The following UBE2D2 variants were observed in gnomAD, a reference collection of about 807,000 sequenced individuals.
UBE2D2 encodes the protein ubiquitin-conjugating enzyme E2 D2.
Under a neutral mutation model 24.2 loss-of-function variants are expected in UBE2D2, and 2 were observed. That is an observed-to-expected ratio of 0.08 (90% CI 0.03 to 0.26). The LOEUF (loss-of-function observed/expected upper bound fraction) is 0.26. Ranked by LOEUF, UBE2D2 falls within the 10% of genes least tolerant of loss-of-function variation. UBE2D2 has a pLI of 1.00. For synonymous variants in UBE2D2, 58 were observed against 56.5 expected, an observed-to-expected ratio of 1.03 and a Z score of -0.12; for missense variants, 44 against 177.6, an observed-to-expected ratio of 0.25 and a Z score of 4.28.
rs375430300 is a variant in UBE2D2 at position 139,576,503 on chromosome 5, G to A, written c.24+14688G>A. Among the ~76,000 whole-genome samples the A allele has an allele frequency of 5.3e-4, 80 of 151,398 alleles. No individual in the cohort carries two copies. In the Middle Eastern group the frequency reaches 0.01, roughly 19 times the overall value. ...CAAAGATGATTTTTTTTTTTGAGAC[G>A]GACTACAGACACGTGCCACCACGCC... is the stretch of plus-strand genomic sequence containing the variant. On this transcript the variant is annotated intron_variant, in intron 1 of 6. Coordinates refer to ENST00000398733, the MANE Select transcript of UBE2D2 (RefSeq NM_003339.3).
chr5:139,611,794 A>G (rs1014290508), intron 2 of UBE2D2, among the ~76,000 whole-genome samples: 3 of 152,114 alleles, frequency 2.0e-5, no homozygotes, highest in Non-Finnish European at 4.4e-5. Flanking sequence ...TACATCCTCA[A>G]TTTTATATTA....
chr5:139,587,153 G>A (rs1753746938), intron 1 of UBE2D2, among the ~76,000 whole-genome samples: 1 of 152,176 alleles, frequency 6.6e-6, no homozygotes, highest in Non-Finnish European at 1.5e-5. Context: ...GGTCACGGAA[G>A]AGAACCGTAG....
upstream of UBE2D2, among the ~76,000 whole-genome samples, chr5:139,558,228 CA>C (rs1486022906): frequency 6.6e-6 from 1 of 152,118 alleles, no homozygotes; most frequent in Non-Finnish European, 1.5e-5. Context: ...TGCTAGAATA[CA>C]AAGCCATTAA....
At chr5:139,554,230 C>T (rs1752953835) in intron 1 of UBE2D2, among the ~76,000 whole-genome samples, 1 of 151,936 alleles carries the variant, frequency 6.6e-6, no homozygotes. Context: ...AATGGGGTCT[C>T]ATTGTGTTGC....
At chr5:139,567,824 G>A (rs1405697560) in intron 1 of UBE2D2, among the ~76,000 whole-genome samples, 1 of 152,166 alleles carries the variant, frequency 6.6e-6, no homozygotes, top group African/African-American at 2.4e-5. Context: ...GTGAGCCACT[G>A]TGCCCCGCCT....
chr5:139,555,104 G>A (rs1489774484), intron 1 of UBE2D2: 2 of 150,320 alleles, frequency 1.3e-5, no homozygotes, highest in Non-Finnish European at 2.9e-5. Flanking sequence ...GGAGTGCAAT[G>A]GCACAATCTT....
At chr5:139,533,554 G>A (rs534022074) in intron 1 of UBE2D2, among the ~76,000 whole-genome samples, 5 of 151,882 alleles carry the variant, frequency 3.3e-5, no homozygotes, top group African/African-American at 1.2e-4. Context: ...GGAGGCTGAG[G>A]CAGGAGAATC....
At chr5:139,550,614 G>C (rs563986619) in intron 1 of UBE2D2, among the ~76,000 whole-genome samples, 3 of 152,112 alleles carry the variant, frequency 2.0e-5, no homozygotes, top group African/African-American at 7.2e-5. Flanking sequence ...ACTTGCTGCT[G>C]CTCATTCTTT....
intron 1 of UBE2D2, among the ~76,000 whole-genome samples, chr5:139,534,071 G>A (rs1397263817): frequency 6.6e-6 from 1 of 150,902 alleles, no homozygotes; most frequent in African/African-American, 2.4e-5. Flanking sequence ...GTGAGCCACC[G>A]CGCCTGGCAA....
At chr5:139,606,586 A>G (rs1329193068) in intron 2 of UBE2D2, among the ~76,000 whole-genome samples, 4 of 152,230 alleles carry the variant, frequency 2.6e-5, no homozygotes, top group Non-Finnish European at 1.5e-5. Flanking sequence ...TTGGTTTGAT[A>G]GTATTAAACC....
At chr5:139,550,495 G>A (rs1444510197) in intron 1 of UBE2D2, among the ~76,000 whole-genome samples, 4 of 152,128 alleles carry the variant, frequency 2.6e-5, no homozygotes, top group Admixed American at 2.6e-4. Flanking sequence ...ATGTGGGTGG[G>A]GTCAGAAAAG....
At chr5:139,582,289 G>C (rs1457110879) in intron 1 of UBE2D2, among the ~76,000 whole-genome samples, 7 of 151,168 alleles carry the variant, frequency 4.6e-5, no homozygotes, top group Non-Finnish European at 8.8e-5. Context: ...TTGAGATGGA[G>C]TTTTGCTCTG....
intron 1 of UBE2D2, among the ~76,000 whole-genome samples, chr5:139,584,503 A>G (rs1753675877): frequency 6.6e-6 from 1 of 150,864 alleles, no homozygotes; most frequent in Non-Finnish European, 1.5e-5. Flanking sequence ...CATTTACCCC[A>G]AAACACCTTT....
intron 1 of UBE2D2, among the ~76,000 whole-genome samples, chr5:139,579,900 A>T (rs2126663993): frequency 6.6e-6 from 1 of 152,104 alleles, no homozygotes; most frequent in East Asian, 1.9e-4. Flanking sequence ...ACAAAAAATT[A>T]GCCGGGCATG....
intron 1 of UBE2D2, among the ~76,000 whole-genome samples, chr5:139,546,284 C>T (rs556014970): frequency 9.2e-5 from 14 of 152,112 alleles, no homozygotes; most frequent in Non-Finnish European, 1.6e-4. Flanking sequence ...CCTCATGATC[C>T]GCCCTCCTTG....
chr5:139,612,107 C>T, intron 2 of UBE2D2: 1 of 184,196 alleles, frequency 5.4e-6, no homozygotes, highest in Non-Finnish European at 1.2e-5. Flanking sequence ...CATAAAGGCT[C>T]ATCAGATAGG....
At chr5:139,548,193 A>AAAAAAAAATAAAAAT in intron 1 of UBE2D2, among the ~76,000 whole-genome samples, 1 of 47,104 alleles carries the variant, frequency 2.1e-5, no homozygotes, top group East Asian at 6.6e-4. Flanking sequence ...ATAAAAAAAA[A>AAAAAAAAATAAAAAT]AAATAAATAA....
chr5:139,601,922 AAG>A (rs1012656289), intron 2 of UBE2D2, among the ~76,000 whole-genome samples: 2 of 152,088 alleles, frequency 1.3e-5, no homozygotes, highest in African/African-American at 4.8e-5. Context: ...AAAAAAAAAA[AAG>A]AAAAAAAAAT....
chr5:139,625,252 C>T (rs923809715), intron 6 of UBE2D2, among the ~76,000 whole-genome samples: 1 of 149,958 alleles, frequency 6.7e-6, no homozygotes. Context: ...ACTGCTAGTA[C>T]ATGCCACTAC....
Sources: allele counts gnomAD v4.1 joint callset (sites outside exome capture counted in the v4.1 genomes callset), GRCh38; gene constraint gnomAD v4.1.1; transcripts MANE v1.5; gene names NCBI Gene and HGNC (gene_info 2026-07-23, HGNC 2026-07-21).